EPHB2: variants seen among roughly 807,000 people sequenced by gnomAD.
EPHB2 encodes ephrin type-B receptor 2.
Under a neutral mutation model 96.4 loss-of-function variants are expected in EPHB2, and 18 were observed. That is an observed-to-expected ratio of 0.19 (90% CI 0.13 to 0.28). The LOEUF is 0.28. Ranked by LOEUF, EPHB2 falls within the 10% of genes least tolerant of loss-of-function variation. The pLI, the probability that EPHB2 is intolerant of heterozygous loss-of-function variation, is 1.00. For synonymous variants in EPHB2, 506 were observed against 534.1 expected (o/e 0.95, Z 0.72); for missense variants, 989 against 1,355.4 (o/e 0.73, Z 4.25).
intron 11 of EPHB2, among the ~76,000 whole-genome samples, chr1:22,907,167 G>A (rs553619180): frequency 6.6e-6 from 1 of 152,340 alleles, no homozygotes; most frequent in Admixed American, 6.5e-5. Flanking sequence ...GGCAGTCCCA[G>A]AATTCTTCTC....
In EPHB2 at chr1:22,862,951, G is replaced by A. The variant is rs1638318944; in HGVS notation, c.812-86G>A. 3 of 1,568,208 alleles carry A rather than the reference G, an allele frequency of 1.9e-6. No individual in the cohort carries two copies. In the East Asian group the frequency reaches 6.7e-5, roughly 35 times the overall value. On this transcript the variant is annotated intron_variant, in intron 3 of 15. Coordinates refer to ENST00000374630, the MANE Select transcript of EPHB2 (RefSeq NM_017449.5). ...CTGCATGGCCCCTCCGCGAGGCTGTGTGGCCCCTCCGTGAGGCTGCGTGGC... is the reference window on the plus strand; with the variant it reads ...CTGCATGGCCCCTCCGCGAGGCTGTATGGCCCCTCCGTGAGGCTGCGTGGC...
rs113151797 is a variant in EPHB2, at chr1:22,846,562, C to T, written c.812-16475C>T. 5.9e-3 allele frequency among the ~76,000 whole-genome samples: 899 copies of T among 152,318 alleles called. 10 individuals are homozygous for T. Among genetic ancestry groups the T allele is most frequent in the African/African-American group, 0.02 (851 of 41,572 alleles). On this transcript the variant is annotated intron_variant, in intron 3 of 15. Transcript: ENST00000374630. The surrounding 1 kb of genome is among the most constrained non-coding windows in gnomAD (Gnocchi z 4.3). ...CCTTGGGCATGGAGAGGTTGGCACG[C>T]ACCTGTTGCTGGGTAGGCGGCTTGT...
At chr1:22,863,012 T>A (rs981468344) in intron 3 of EPHB2, 25 bp from the exon 4 acceptor site, 2 of 1,613,736 alleles carry the variant, frequency 1.2e-6, no homozygotes, top group African/African-American at 2.7e-5. Context: ...AGTTTCCTGG[T>A]GACTCTCCTT....
At chr1:22,882,257 C>G (rs1178712020) in intron 5 of EPHB2, 102 bp from the exon 6 acceptor site, 1 of 1,573,554 alleles carries the variant, frequency 6.4e-7, no homozygotes, top group Non-Finnish European at 8.6e-7. Context: ...CCTTCCCTCT[C>G]TGATCCCACA....
intron 3 of EPHB2, among the ~76,000 whole-genome samples, chr1:22,808,274 T>C (rs1644955623): frequency 6.6e-6 from 1 of 152,190 alleles, no homozygotes. Flanking sequence ...ACCCACCCCA[T>C]TTCTCAGCTC....
At chr1:22,862,203 G>C (rs1041646726) in intron 3 of EPHB2, among the ~76,000 whole-genome samples, 3 of 152,264 alleles carry the variant, frequency 2.0e-5, no homozygotes, top group African/African-American at 7.2e-5. Flanking sequence ...GAGCTACAGT[G>C]GGGGTGGACT....
chr1:22,744,889 G>A (rs1210441192), intron 1 of EPHB2, among the ~76,000 whole-genome samples: 1 of 151,840 alleles, frequency 6.6e-6, no homozygotes, highest in Non-Finnish European at 1.5e-5. Flanking sequence ...AAAATCACAA[G>A]GAAGAGAAAG....
chr1:22,727,790 A>C (rs1056553318), intron 1 of EPHB2, among the ~76,000 whole-genome samples: 3 of 147,038 alleles, frequency 2.0e-5, no homozygotes, highest in South Asian at 2.1e-4. Context: ...CTTTAAAAAA[A>C]AAAAACAAAA....
chr1:22,843,624 T>C (rs1470033180), intron 3 of EPHB2, among the ~76,000 whole-genome samples: 1 of 152,208 alleles, frequency 6.6e-6, no homozygotes, highest in African/African-American at 2.4e-5. Flanking sequence ...CACTGCAACC[T>C]GTACCTCGCA....
intron 1 of EPHB2, among the ~76,000 whole-genome samples, chr1:22,763,134 A>G (rs1644257945): frequency 6.6e-6 from 1 of 152,124 alleles, no homozygotes. Context: ...ACATCCATGG[A>G]GGACCTGAGC....
In EPHB2 at chr1:22,906,840, C is replaced by T; in HGVS notation, c.2019C>T (p.Ile673=). ...QRRDFLSEAS[I]MGQFDHPNVI... is the part of the protein sequence containing the mutation. ...GGGACTTCCTGAGCGAAGCCTCCAT[C>T]ATGGGCCAGTTCGACCATCCCAACG... Residue 673 remains isoleucine (I), a synonymous_variant, in exon 11 of 16, where the codon ATC becomes ATT. Transcript: ENST00000374630. The surrounding 1 kb of genome is among the most constrained non-coding windows in gnomAD (Gnocchi z 4.8). 6.2e-7 allele frequency: 1 copy of T among 1,614,248 alleles called. No individual in the cohort carries two copies. Among genetic ancestry groups the T allele is most frequent in the Non-Finnish European group, 8.5e-7 (1 of 1,180,046 alleles).
chr1:22,723,223 G>A (rs1475318120), intron 1 of EPHB2, among the ~76,000 whole-genome samples: 2 of 152,356 alleles, frequency 1.3e-5, no homozygotes, highest in Non-Finnish European at 2.9e-5. Context: ...GATGCGTCCC[G>A]CCTGAATGGG....
At chr1:22,857,554 C>T (rs1212551089) in intron 3 of EPHB2, among the ~76,000 whole-genome samples, 1 of 152,036 alleles carries the variant, frequency 6.6e-6, no homozygotes, top group Admixed American at 6.6e-5. Context: ...CCAGTTTGCC[C>T]AAGACTAAGG....
At chr1:22,743,012 C>T (rs1643923308) in intron 1 of EPHB2, among the ~76,000 whole-genome samples, 2 of 151,932 alleles carry the variant, frequency 1.3e-5, no homozygotes, top group African/African-American at 4.8e-5. Flanking sequence ...CCACTTCAGC[C>T]TCCTGAGTAG....
intron 9 of EPHB2, among the ~76,000 whole-genome samples, chr1:22,897,890 A>T (rs1639618215): frequency 6.6e-6 from 1 of 152,234 alleles, no homozygotes; most frequent in African/African-American, 2.4e-5. Flanking sequence ...ACTTGAACAC[A>T]GAAGTTCAAG....
intron 1 of EPHB2, among the ~76,000 whole-genome samples, chr1:22,712,215 C>T (rs1192028189): frequency 2.0e-5 from 3 of 152,156 alleles, no homozygotes; most frequent in Non-Finnish European, 4.4e-5. Flanking sequence ...TTCTCTTGAA[C>T]AGATAGGGAA....
chr1:22,905,577 A>G (rs1639884136), intron 9 of EPHB2, among the ~76,000 whole-genome samples: 1 of 152,150 alleles, frequency 6.6e-6, no homozygotes, highest in African/African-American at 2.4e-5. Flanking sequence ...TTTTAGTTCC[A>G]ATTCGCTCCC....
intron 3 of EPHB2, among the ~76,000 whole-genome samples, chr1:22,824,828 G>T (rs778061847): frequency 1.7e-4 from 26 of 152,230 alleles, no homozygotes; most frequent in African/African-American, 5.8e-4. Flanking sequence ...TGGCAGCCCC[G>T]TGAGCATTCC....
rs544133840 is a variant in EPHB2 at position 22,837,044 on chromosome 1, C to T, written c.812-25993C>T. Among the ~76,000 whole-genome samples the T allele has an allele frequency of 2.4e-4, 36 of 152,126 alleles. No individual in the cohort carries two copies. The South Asian group carries it at 6.0e-3, about 25-fold the overall frequency. The stretch of plus-strand genomic sequence containing the variant: ...CAAGACCAGGAGAGGCCCTACACGG[C>T]GGGGGAGGGGGGCCTGAACTGGATT... On this transcript the variant is annotated intron_variant, in intron 3 of 15. Transcript: ENST00000374630.
Sources: allele counts gnomAD v4.1 joint callset (sites outside exome capture counted in the v4.1 genomes callset), GRCh38; gene constraint gnomAD v4.1.1; non-coding constraint Gnocchi (gnomAD v3.1); transcripts MANE v1.5; gene names NCBI Gene and HGNC (gene_info 2026-07-23, HGNC 2026-07-21).